The following PREX1 variants were observed in gnomAD, a reference collection of about 807,000 sequenced individuals.
The protein encoded by PREX1 is phosphatidylinositol 3,4,5-trisphosphate-dependent Rac exchanger 1 protein.
In PREX1, 41 loss-of-function variants were observed where a neutral mutation model predicts 198.3. That is an observed-to-expected ratio of 0.21 (90% CI 0.16 to 0.27). The LOEUF is 0.27. PREX1 is among the 10% of genes least tolerant of loss of function. PREX1 has a pLI of 1.00. For missense variants in PREX1, 1,620 were observed against 2,200.7 expected (o/e 0.74, Z 5.28); for synonymous variants, 843 against 887.2 (o/e 0.95, Z 0.89).
chr20:48,841,070 C>T, the PREX1 span, among the ~76,000 whole-genome samples: 1 of 152,024 alleles, frequency 6.6e-6, no homozygotes, highest in African/African-American at 2.4e-5. Flanking sequence ...ACTACAGGCA[C>T]GTGCCACCAT....
At chr20:48,721,194 G>C (rs1357462250) in intron 5 of PREX1, among the ~76,000 whole-genome samples, 1 of 152,192 alleles carries the variant, frequency 6.6e-6, no homozygotes, top group African/African-American at 2.4e-5. Context: ...CCCTGTGCAG[G>C]CACCATTCCA....
chr20:48,828,554 G>A (rs1327390917), upstream of PREX1, among the ~76,000 whole-genome samples: 3 of 151,494 alleles, frequency 2.0e-5, no homozygotes, highest in Admixed American at 6.6e-5. Flanking sequence ...CCCTCTCTGG[G>A]CAGTGACGGC....
the PREX1 span, among the ~76,000 whole-genome samples, chr20:48,881,138 G>C: frequency 1.3e-5 from 2 of 152,186 alleles, no homozygotes; most frequent in East Asian, 3.9e-4. Context: ...TCTGGGACTT[G>C]CTTCAAATAT....
chr20:48,653,800 G>A (rs528023471), intron 19 of PREX1, among the ~76,000 whole-genome samples: 10 of 152,338 alleles, frequency 6.6e-5, no homozygotes, highest in South Asian at 4.1e-4. Flanking sequence ...TCCTGCAGCC[G>A]CCTTGTGCTA....
intron 14 of PREX1, among the ~76,000 whole-genome samples, chr20:48,667,269 C>T (rs138732483): frequency 6.6e-6 from 1 of 152,220 alleles, no homozygotes; most frequent in South Asian, 2.1e-4. Flanking sequence ...TTCTCTCATG[C>T]TACAGAAACA....
intron 6 of PREX1, among the ~76,000 whole-genome samples, chr20:48,705,858 T>C (rs6019383): frequency 0.31 from 46,411 of 151,918 alleles, 9,552 homozygotes; most frequent in African/African-American, 0.59. Context: ...ATTAAACAAA[T>C]AGGAGAAAAT....
chr20:48,709,018 C>G (rs571299234), intron 5 of PREX1, among the ~76,000 whole-genome samples: 244 of 152,298 alleles, frequency 1.6e-3, no homozygotes, highest in African/African-American at 5.6e-3. Context: ...GAGAAGCCCC[C>G]TGCCCCCACC....
Position 48,642,449 on chromosome 20 carries a change from C to T in PREX1, c.3642G>A (p.Lys1214=), listed in dbSNP as rs183862923. The T allele has an allele frequency of 1.7e-5, 27 of 1,613,704 alleles. No homozygotes were observed. The East Asian group carries it at 4.7e-4, about 28-fold the overall frequency. ...LPCDMRIPSD[K]QDKLHGCLEH... is the part of the protein sequence containing the mutation. ...CCAGGCAGCCATGAAGCTTGTCCTG[C>T]TTGTCAGATGGGATCCGCATGTCAC... Residue 1214 remains lysine (K), a synonymous_variant, in exon 28 of 40, where the codon AAG becomes AAA. Coordinates refer to ENST00000371941, the MANE Select transcript of PREX1 (RefSeq NM_020820.4).
At chr20:48,779,704 A>G (rs546140549) in intron 1 of PREX1, among the ~76,000 whole-genome samples, 16 of 152,248 alleles carry the variant, frequency 1.1e-4, no homozygotes, top group Admixed American at 2.0e-4. Flanking sequence ...AACAATGCAG[A>G]TGAATCTCAA....
In PREX1 at chr20:48,651,460, C is replaced by T. The variant is rs2089496943; in HGVS notation, c.2591G>A (p.Gly864Asp). Residue 864 changes from glycine (G) to aspartate (D), a missense_variant, in exon 22 of 40, where the codon GGC becomes GAC. Gly to Asp is a moderately conservative substitution (Grantham distance 94). Transcript: ENST00000371941. ...CTTCTCCAGCACATGGCACCTGACG[C>T]CTGCCGTGCTCACATACTCATACAC... is the stretch of plus-strand genomic sequence containing the variant. The part of the protein sequence containing the change: ...GVVYEYVSTA[G>D]VRCHVLEKIV... 6.2e-7 allele frequency: 1 copy of T among 1,613,940 alleles called. No homozygotes were observed. The highest frequency in any genetic ancestry group is 1.3e-5 in the African/African-American group (1 of 74,954).
At chr20:48,822,760 A>T (rs2090492081) in intron 1 of PREX1, among the ~76,000 whole-genome samples, 1 of 152,202 alleles carries the variant, frequency 6.6e-6, no homozygotes, top group African/African-American at 2.4e-5. Flanking sequence ...ATGTCACCTT[A>T]TACATATAAC....
intron 1 of PREX1, among the ~76,000 whole-genome samples, chr20:48,780,200 T>G (rs1369728578): frequency 6.6e-6 from 1 of 152,236 alleles, no homozygotes; most frequent in African/African-American, 2.4e-5. Flanking sequence ...ATTAGGTTTC[T>G]AAATACCATT....
intron 1 of PREX1, among the ~76,000 whole-genome samples, chr20:48,776,986 G>A (rs540068246): frequency 5.3e-5 from 8 of 152,288 alleles, no homozygotes; most frequent in South Asian, 2.1e-4. Context: ...TGCGATGTGC[G>A]AAAGGTCCGA....
chr20:48,687,102 C>G (rs949957828), intron 10 of PREX1, among the ~76,000 whole-genome samples: 12 of 152,258 alleles, frequency 7.9e-5, no homozygotes, highest in Non-Finnish European at 1.5e-4. Context: ...CCAGGCCTGC[C>G]TCTTCTATCC....
the PREX1 span, among the ~76,000 whole-genome samples, chr20:48,846,522 C>A: frequency 1.3e-5 from 2 of 152,098 alleles, no homozygotes; most frequent in South Asian, 2.1e-4. Context: ...GAAAACAGCC[C>A]GACCCTCCTA....
intron 21 of PREX1, 65 bp downstream of exon 21, chr20:48,652,521 G>A: frequency 6.5e-7 from 1 of 1,530,052 alleles, no homozygotes; most frequent in East Asian, 2.4e-5. Flanking sequence ...AACAGGAGAG[G>A]ACCCAGCCCC....
chr20:48,741,890 C>T (rs1027572172), intron 3 of PREX1, among the ~76,000 whole-genome samples: 1 of 152,132 alleles, frequency 6.6e-6, no homozygotes, highest in East Asian at 1.9e-4. Context: ...CGAGGAGATC[C>T]GTGTGGCTAG....
the PREX1 span, among the ~76,000 whole-genome samples, chr20:48,833,066 C>A: frequency 1.3e-5 from 2 of 152,348 alleles, no homozygotes; most frequent in African/African-American, 4.8e-5. Context: ...CTTAACCTCT[C>A]TGGGCTTCAA....
At chr20:48,688,586 G>T (rs2089798838) in intron 10 of PREX1, 71 bp downstream of exon 10, 17 of 1,592,906 alleles carry the variant, frequency 1.1e-5, no homozygotes, top group Non-Finnish European at 1.4e-5. Context: ...TGCATGGGTG[G>T]ATGGGGATGA....
Sources: gnomAD v4.1 joint callset for allele counts (sites outside exome capture counted in the v4.1 genomes callset) on GRCh38, gnomAD v4.1.1 for gene constraint, MANE v1.5 for transcripts, NCBI Gene and HGNC (gene_info 2026-07-23, HGNC 2026-07-21) for gene names.